ZRANB3: variants seen among roughly 807,000 people sequenced by gnomAD.
ZRANB3 encodes zinc finger RANBP2-type containing 3.
In ZRANB3, 125 loss-of-function variants were observed where a neutral mutation model predicts 133.8. That is an observed-to-expected ratio of 0.93 (90% CI 0.81 to 1.08). The LOEUF (loss-of-function observed/expected upper bound fraction) is 1.08. Among genes scored for constraint, ZRANB3 ranks in the 50% least tolerant of loss-of-function variants. The pLI, the probability that ZRANB3 is intolerant of heterozygous loss-of-function variation, is 0.00. For synonymous variants in ZRANB3, 387 were observed against 432.7 expected (o/e 0.89, Z 1.31); for missense variants, 1,229 against 1,275.5 (o/e 0.96, Z 0.56).
At chr2:135,297,705 A>G (rs11889515) in intron 8 of ZRANB3, among the ~76,000 whole-genome samples, 29,008 of 152,136 alleles carry the variant, frequency 0.19, 3,696 homozygotes, top group African/African-American at 0.34. Context: ...GTTCCTATTC[A>G]GCCATCCTAA....
chr2:135,268,622 G>C (rs1680361155), intron 11 of ZRANB3, among the ~76,000 whole-genome samples: 1 of 152,156 alleles, frequency 6.6e-6, no homozygotes, highest in South Asian at 2.1e-4. Context: ...TGGAACTCAA[G>C]AATTCTTCTA....
intron 6 of ZRANB3, among the ~76,000 whole-genome samples, chr2:135,320,346 G>A (rs1683461988): frequency 6.6e-6 from 1 of 152,172 alleles, no homozygotes; most frequent in Non-Finnish European, 1.5e-5. Flanking sequence ...AGAAAAATAT[G>A]TTTAAGGACA....
intron 2 of ZRANB3, among the ~76,000 whole-genome samples, chr2:135,464,460 G>T (rs1690898375): frequency 6.6e-6 from 1 of 152,196 alleles, no homozygotes; most frequent in South Asian, 2.1e-4. Context: ...GCCTCAGAGT[G>T]CTTGGGAAAT....
intron 2 of ZRANB3, among the ~76,000 whole-genome samples, chr2:135,398,620 G>A (rs1278790486): frequency 1.6e-4 from 24 of 149,592 alleles, no homozygotes; most frequent in Admixed American, 1.4e-3. Flanking sequence ...CTGGGTTTAC[G>A]CCATTCTCCT....
intron 8 of ZRANB3, among the ~76,000 whole-genome samples, chr2:135,280,447 G>C (rs906898132): frequency 1.3e-5 from 2 of 152,072 alleles, no homozygotes; most frequent in African/African-American, 4.8e-5. Context: ...CATGCCTGTG[G>C]TCCCAGCTAC....
chr2:135,495,858 A>C lies in ZRANB3; in HGVS notation c.161+8471T>G, dbSNP rs530768748. On this transcript the variant is annotated intron_variant, in intron 2 of 20. Coordinates refer to ENST00000264159, the MANE Select transcript of ZRANB3 (RefSeq NM_032143.4). ...AGAATCTACAAAACTGTGCACCTCA[A>C]ATCCATATATTTTATTAAATTAAAT... Among the ~76,000 whole-genome samples, 4 of 152,310 alleles carry C rather than the reference A, an allele frequency of 2.6e-5. No homozygotes were observed. In the East Asian group the frequency reaches 7.7e-4, roughly 29 times the overall value.
intron 19 of ZRANB3, among the ~76,000 whole-genome samples, chr2:135,204,973 A>G (rs1420765939): frequency 6.6e-6 from 1 of 151,940 alleles, no homozygotes; most frequent in Non-Finnish European, 1.5e-5. Flanking sequence ...CTGAAACAGC[A>G]GTAACTGGAG....
At chr2:135,507,670 T>A (rs914691526) in intron 1 of ZRANB3, among the ~76,000 whole-genome samples, 4 of 152,122 alleles carry the variant, frequency 2.6e-5, no homozygotes, top group Non-Finnish European at 4.4e-5. Context: ...TTTTTTTTTT[T>A]TTCTTTGCTG....
intron 2 of ZRANB3, among the ~76,000 whole-genome samples, chr2:135,481,073 A>G (rs1285124113): frequency 6.6e-6 from 1 of 152,124 alleles, no homozygotes; most frequent in Non-Finnish European, 1.5e-5. Flanking sequence ...CGCAATAAAC[A>G]TACGTGAGCA....
intron 3 of ZRANB3, among the ~76,000 whole-genome samples, chr2:135,359,102 G>A (rs1488759575): frequency 1.3e-5 from 2 of 151,710 alleles, no homozygotes; most frequent in African/African-American, 2.4e-5. Context: ...CATCAGCCTC[G>A]ACATCCAAAT....
intron 6 of ZRANB3, among the ~76,000 whole-genome samples, chr2:135,322,367 G>A (rs1391952901): frequency 6.6e-6 from 1 of 151,942 alleles, no homozygotes; most frequent in Admixed American, 6.6e-5. Context: ...CAAAATCTTG[G>A]GTTTGATTGT....
intron 2 of ZRANB3, among the ~76,000 whole-genome samples, chr2:135,475,003 G>A (rs1407533850): frequency 6.6e-6 from 1 of 152,090 alleles, no homozygotes; most frequent in Admixed American, 6.5e-5. Context: ...GATGATACTA[G>A]CCATCTGCCT....
intron 2 of ZRANB3, among the ~76,000 whole-genome samples, chr2:135,499,007 T>C (rs1304475156): frequency 6.6e-6 from 1 of 152,174 alleles, no homozygotes; most frequent in Non-Finnish European, 1.5e-5. Context: ...CTTATGATAT[T>C]TTACCTTGTG....
chr2:135,291,744 C>T (rs563826029), intron 8 of ZRANB3, among the ~76,000 whole-genome samples: 2 of 151,892 alleles, frequency 1.3e-5, no homozygotes, highest in African/African-American at 2.4e-5. Flanking sequence ...ATCCCTCCCC[C>T]CTTCCCCCAC....
intron 2 of ZRANB3, among the ~76,000 whole-genome samples, chr2:135,413,340 G>C (rs1235278607): frequency 2.0e-5 from 3 of 152,102 alleles, no homozygotes; most frequent in Admixed American, 1.3e-4. Context: ...ATTTTGAGTT[G>C]TATTTCTGTT....
intron 3 of ZRANB3, among the ~76,000 whole-genome samples, chr2:135,369,063 T>C (rs1395098121): frequency 6.6e-6 from 1 of 151,992 alleles, no homozygotes; most frequent in Non-Finnish European, 1.5e-5. Flanking sequence ...TGCAGACACA[T>C]AACTTAAAAC....
chr2:135,478,870 G>T (rs1574166491), intron 2 of ZRANB3, among the ~76,000 whole-genome samples: 1 of 151,574 alleles, frequency 6.6e-6, no homozygotes, highest in East Asian at 1.9e-4. Flanking sequence ...ACATGTTTAT[G>T]TATACCTGTT....
At chr2:135,417,114 T>C (rs929899847) in intron 2 of ZRANB3, among the ~76,000 whole-genome samples, 1 of 152,016 alleles carries the variant, frequency 6.6e-6, no homozygotes, top group Non-Finnish European at 1.5e-5. Flanking sequence ...ACAAATGGGA[T>C]CTAATTAAAC....
chr2:135,487,475 G>T lies in ZRANB3; in HGVS notation c.161+16854C>A, dbSNP rs186068505. On this transcript the variant is annotated intron_variant, in intron 2 of 20. Coordinates refer to ENST00000264159, the MANE Select transcript of ZRANB3 (RefSeq NM_032143.4). ...TCTCTAATTATGAAAGTTTTAGATG[G>T]TATTTTCATCCAATAGAAGCCTGTT... 2.2e-4 allele frequency among the ~76,000 whole-genome samples: 34 copies of T among 152,276 alleles called. No individual in the cohort carries two copies. The East Asian group carries it at 5.8e-3, about 26-fold the overall frequency.
Sources: gnomAD v4.1 joint callset for allele counts (sites outside exome capture counted in the v4.1 genomes callset) on GRCh38, gnomAD v4.1.1 for gene constraint, MANE v1.5 for transcripts, NCBI Gene and HGNC (gene_info 2026-07-23, HGNC 2026-07-21) for gene names.